Variants in NID1 observed in about 807,000 individuals in gnomAD.
NID1 encodes nidogen-1.
A neutral mutation model predicts 130.6 loss-of-function variants in NID1; 76 were observed. That is an observed-to-expected ratio of 0.58 (90% CI 0.48 to 0.70). The LOEUF is 0.70. Among genes scored for constraint, NID1 ranks in the 30% least tolerant of loss-of-function variants. The probability of loss-of-function intolerance (pLI) is 0.00; values close to 1 mark genes in which losing one functional copy is unlikely to be tolerated. For missense variants in NID1, 1,517 were observed against 1,664.8 expected (o/e 0.91, Z 1.54); for synonymous variants, 665 against 675.1 (o/e 0.98, Z 0.23).
rs1419196663 is a variant in NID1, at chr1:236,064,949, AGGTCCCCCTGTCC to A, written c.118_130del (p.Gly40TrpfsTer16). On this transcript the variant is annotated frameshift_variant, in exon 1 of 20. Transcript: ENST00000264187. LOFTEE classifies it high-confidence loss of function. ...GAAGTCATCCCCGTCCTCCAGCTCCAGGTCCCCCTGTCCGGGGCCGAAGGGAAAGAGCTCCTGG... is the reference window on the plus strand; with the variant it reads ...GAAGTCATCCCCGTCCTCCAGCTCCAGGGGCCGAAGGGAAAGAGCTCCTGG... The A allele has an allele frequency of 1.2e-6, 2 of 1,606,556 alleles. No homozygotes were observed. Among genetic ancestry groups the A allele is most frequent in the Non-Finnish European group, 1.7e-6 (2 of 1,177,034 alleles).
At chr1:236,037,535 G>A (rs1659295688) in intron 5 of NID1, among the ~76,000 whole-genome samples, 2 of 152,114 alleles carry the variant, frequency 1.3e-5, no homozygotes, top group Admixed American at 1.3e-4. Flanking sequence ...GCGCACATCT[G>A]TAATTCCAGC....
At chr1:236,038,004 C>T in intron 5 of NID1, 100 bp downstream of exon 5, 1 of 1,392,424 alleles carries the variant, frequency 7.2e-7, no homozygotes, top group Non-Finnish European at 9.7e-7. Context: ...ACTCTACACA[C>T]CTACGGAGAT....
chr1:235,977,286 AT>A lies in NID1; in HGVS notation c.*580del, dbSNP rs1346103577. 1 of 152,662 alleles carries A rather than the reference AT, an allele frequency of 6.6e-6. No homozygotes were observed. The highest frequency in any genetic ancestry group is 2.1e-4 in the South Asian group (1 of 4,842). The allele number at this position is 152,662 out of a possible 1,614,324, so 9.5% of individuals were successfully genotyped here. A position where few individuals can be genotyped will look rare whatever the true frequency, so the allele number is the denominator to read the frequency against. On this transcript the variant is annotated 3_prime_UTR_variant, in exon 20 of 20. Coordinates refer to ENST00000264187, the MANE Select transcript of NID1 (RefSeq NM_002508.3). ...TTTGATGAAAAAGCAGCGCATGAATATTATAATGGGGGTCTTAGACAAGATG... is the reference window on the plus strand; with the variant it reads ...TTTGATGAAAAAGCAGCGCATGAATATATAATGGGGGTCTTAGACAAGATG...
At chr1:236,028,284 T>C (rs1038060143) in intron 7 of NID1, among the ~76,000 whole-genome samples, 8 of 152,202 alleles carry the variant, frequency 5.3e-5, no homozygotes, top group African/African-American at 1.9e-4. Context: ...CAATGTGGTA[T>C]GATTGCAATT....
At chr1:236,001,105 GA>G (rs1238476611) in intron 12 of NID1, among the ~76,000 whole-genome samples, 1 of 141,560 alleles carries the variant, frequency 7.1e-6, no homozygotes, top group Admixed American at 7.1e-5. Context: ...CTGGCTTTGA[GA>G]TTTTTTTTTT....
chr1:235,981,675 GC>G lies in NID1; in HGVS notation c.3162del (p.Gln1054HisfsTer11). 1 of 1,614,208 alleles carries G rather than the reference GC, an allele frequency of 6.2e-7. No individual in the cohort carries two copies. ...AAGTCAGTCTCAAAGAGCACCCGGC[GC>G]TGCGTGCCGTCCAGCTTCGCCACTT... The part of the protein sequence containing the change: ...RIEVAKLDGT[Q>X]RRVLFETDLV... On this transcript the variant is annotated frameshift_variant, in exon 16 of 20. Coordinates refer to ENST00000264187, the MANE Select transcript of NID1 (RefSeq NM_002508.3). LOFTEE classifies it high-confidence loss of function.
At chr1:235,998,473 G>GCA (rs1657989687) in intron 12 of NID1, among the ~76,000 whole-genome samples, 1 of 152,130 alleles carries the variant, frequency 6.6e-6, no homozygotes, top group Non-Finnish European at 1.5e-5. Flanking sequence ...TCAGGAGTTT[G>GCA]AGACCAGCCT....
At chr1:236,045,327 T>C (rs778382462) in intron 3 of NID1, 130 bp downstream of exon 3, 26 of 606,232 alleles carry the variant, frequency 4.3e-5, no homozygotes, top group Non-Finnish European at 6.9e-5. Flanking sequence ...GAGTATCTCA[T>C]AATATAAAAA....
Position 235,980,670 on chromosome 1 carries a change from G to T in NID1, c.3228-17C>A, listed in dbSNP as rs780638186. 1 of 1,607,788 alleles carries T rather than the reference G, an allele frequency of 6.2e-7. No homozygotes were observed. Among genetic ancestry groups the T allele is most frequent in the South Asian group, 1.1e-5 (1 of 90,278 alleles). On this transcript the variant is annotated splice_polypyrimidine_tract_variant and intron_variant, in intron 16 of 19. Coordinates refer to ENST00000264187, the MANE Select transcript of NID1 (RefSeq NM_002508.3). Reference sequence around the variant, plus strand: ...TAAAGGTTCCTGGAGGAGGAAAAAGGGGGGAAAGAGGAAAAGAAATAATAA... The same window carrying T: ...TAAAGGTTCCTGGAGGAGGAAAAAGTGGGGAAAGAGGAAAAGAAATAATAA...
intron 1 of NID1, among the ~76,000 whole-genome samples, chr1:236,051,050 C>T (rs1171396627): frequency 1.3e-5 from 2 of 152,054 alleles, no homozygotes; most frequent in Admixed American, 6.6e-5. Context: ...ACTGATGATG[C>T]ACTCCAGCCT....
chr1:236,009,580 T>C (rs1161583086), intron 12 of NID1, among the ~76,000 whole-genome samples: 2 of 152,242 alleles, frequency 1.3e-5, no homozygotes, highest in African/African-American at 4.8e-5. Flanking sequence ...CACATGTAGG[T>C]ATATTTTCAC....
At position 236,017,159 on chromosome 1, in the gene NID1, C is replaced by A. The variant is rs1418065316; in HGVS notation, c.2243G>T (p.Gly748Val). ...CVEGYQFSDEGTCVAVVDQRP... is the reference protein window; with the variant it reads ...CVEGYQFSDEVTCVAVVDQRP... ...CCTGGAGAACTTACCCACACACGTT[C>A]CCTCATCTGAAAACTGGTAGCCCTC... Residue 748 changes from glycine to valine, a missense_variant, in exon 10 of 20, where the codon GGA (glycine) becomes GTA (valine). Transcript: ENST00000264187. The A allele has an allele frequency of 1.9e-6, 3 of 1,614,138 alleles. No homozygotes were observed. In the South Asian group the frequency reaches 3.3e-5, roughly 18 times the overall value.
At position 235,977,698 on chromosome 1, in the gene NID1, A is replaced by C. The variant is rs1572572332; in HGVS notation, c.*169T>G. 1.5e-6 allele frequency: 1 copy of C among 668,802 alleles called. No individual in the cohort carries two copies. Among genetic ancestry groups the C allele is most frequent in the Non-Finnish European group, 2.5e-6 (1 of 393,144 alleles). The allele number at this position is 668,802 out of a possible 1,614,324, so 41.4% of individuals were successfully genotyped here. ...GGAGACTTTTCTATTAGAGAAGTCC[A>C]GGGTGCATGTTTTGGGGAACAGTGA... On this transcript the variant is annotated 3_prime_UTR_variant, in exon 20 of 20. Coordinates refer to ENST00000264187, the MANE Select transcript of NID1 (RefSeq NM_002508.3).
In NID1 at chr1:236,064,900, A is replaced by T; in HGVS notation, c.180T>A (p.Ser60Arg). The T allele has an allele frequency of 6.2e-7, 1 of 1,612,168 alleles. No individual in the cohort carries two copies. Among genetic ancestry groups the T allele is most frequent in the Non-Finnish European group, 8.5e-7 (1 of 1,179,428 alleles). ...DDFVSPALEL[S>R]GALRFYDRSD... The stretch of plus-strand genomic sequence containing the variant: ...ATCTGTCGTAGAAGCGGAGCGCCCC[A>T]CTCAGCTCCAGGGCAGGAGAGACGA... Residue 60 changes from serine to arginine, a missense_variant, in exon 1 of 20, where the codon AGT becomes AGA. Physicochemically the swap from Ser to Arg is moderately radical, Grantham distance 110 (BLOSUM62 -1). Coordinates refer to ENST00000264187, the MANE Select transcript of NID1 (RefSeq NM_002508.3).
chr1:235,979,174 C>A lies in NID1; in HGVS notation c.3510-67G>T. 1 of 1,011,530 alleles carries A rather than the reference C, an allele frequency of 9.9e-7. No individual in the cohort carries two copies. The highest frequency in any genetic ancestry group is 1.6e-6 in the Non-Finnish European group (1 of 643,502). 62.7% of individuals were successfully genotyped at this position (1,011,530 alleles called of 1,614,324 possible). ...GGCTTGAACTTGTATCTAAACAAGG[C>A]AGCCTCTTTGTCATTTTGAGGATAA... On this transcript the variant is annotated intron_variant, in intron 18 of 19. Coordinates refer to ENST00000264187, the MANE Select transcript of NID1 (RefSeq NM_002508.3). This position sits in a 1 kb window ranked among gnomAD's most constrained non-coding sequence, Gnocchi z 4.6.
chr1:236,027,868 C>A (rs755357053), intron 7 of NID1, among the ~76,000 whole-genome samples: 3 of 151,426 alleles, frequency 2.0e-5, no homozygotes, highest in Non-Finnish European at 4.4e-5. Context: ...ACAAAAAAAA[C>A]GAAGGGATTC....
chr1:236,052,568 T>G (rs944393819), intron 1 of NID1, among the ~76,000 whole-genome samples: 1 of 152,178 alleles, frequency 6.6e-6, no homozygotes, highest in Non-Finnish European at 1.5e-5. Context: ...AATAACTTCA[T>G]TGCATTCAAC....
intron 12 of NID1, among the ~76,000 whole-genome samples, chr1:236,010,113 A>G (rs1028009084): frequency 1.3e-5 from 2 of 152,198 alleles, no homozygotes; most frequent in Non-Finnish European, 2.9e-5. Flanking sequence ...GTCATTGTTA[A>G]TAGTAGCTGG....
chr1:236,006,056 G>T (rs749821424), intron 12 of NID1, among the ~76,000 whole-genome samples: 5 of 152,054 alleles, frequency 3.3e-5, no homozygotes, highest in Admixed American at 2.0e-4. Context: ...TTTTCTCTTG[G>T]GAGACTGACT....
Sources: allele counts gnomAD v4.1 joint callset (sites outside exome capture counted in the v4.1 genomes callset), GRCh38; gene constraint gnomAD v4.1.1; non-coding constraint Gnocchi (gnomAD v3.1); transcripts MANE v1.5; gene names NCBI Gene and HGNC (gene_info 2026-07-23, HGNC 2026-07-21).